The following SEMA5B variants were observed in gnomAD, a reference collection of about 807,000 sequenced individuals.
SEMA5B encodes the protein semaphorin 5B.
In SEMA5B, 66 loss-of-function variants were observed where a neutral mutation model predicts 135.0. The ratio of observed to expected loss-of-function variants is 0.49; its 90% confidence interval spans 0.40 to 0.60. SEMA5B has a LOEUF of 0.60. Among genes scored for constraint, SEMA5B ranks in the 20% least tolerant of loss-of-function variants. SEMA5B has a pLI of 0.00. For missense variants in SEMA5B, 1,501 were observed against 1,566.3 expected, an observed-to-expected ratio of 0.96 and a Z score of 0.70; for synonymous variants, 690 against 639.5, an observed-to-expected ratio of 1.08 and a Z score of -1.19.
chr3:122,923,558 C>T, intron 10 of SEMA5B, 59 bp downstream of exon 10: 1 of 1,597,338 alleles, frequency 6.3e-7, no homozygotes, highest in Non-Finnish European at 8.6e-7. Context: ...CAGCTTGTGG[C>T]TGGTAATCTG....
At chr3:122,913,497 C>T (rs1379249097) in intron 16 of SEMA5B, 37 bp downstream of exon 16, 6 of 1,596,700 alleles carry the variant, frequency 3.8e-6, no homozygotes, top group Non-Finnish European at 4.3e-6. Context: ...CTCCAGTACC[C>T]TACACCGCGC....
chr3:122,970,523 A>G (rs1304233285), intron 1 of SEMA5B, among the ~76,000 whole-genome samples: 1 of 152,194 alleles, frequency 6.6e-6, no homozygotes, highest in Non-Finnish European at 1.5e-5. Context: ...CAGCTAGAGA[A>G]TAAGAGAGCT....
intron 1 of SEMA5B, among the ~76,000 whole-genome samples, chr3:123,019,838 T>C (rs975966447): frequency 2.0e-5 from 3 of 151,872 alleles, no homozygotes; most frequent in East Asian, 1.9e-4. Flanking sequence ...AGCCTAGGAG[T>C]TCCTATGAAG....
intron 1 of SEMA5B, among the ~76,000 whole-genome samples, chr3:122,968,062 G>A (rs1443228539): frequency 6.6e-6 from 1 of 152,212 alleles, no homozygotes; most frequent in Non-Finnish European, 1.5e-5. Context: ...CAGAAAATGT[G>A]CAGATCCGCT....
At chr3:122,982,483 ATTGTTTGCTAC>A (rs1941549344) in intron 1 of SEMA5B, among the ~76,000 whole-genome samples, 1 of 152,180 alleles carries the variant, frequency 6.6e-6, no homozygotes, top group Non-Finnish European at 1.5e-5. Flanking sequence ...ATGGTTTGGG[ATTGTTTGCTAC>A]TTTGCATGAT....
At chr3:122,953,166 C>G (rs529081667) in intron 2 of SEMA5B, among the ~76,000 whole-genome samples, 2 of 152,144 alleles carry the variant, frequency 1.3e-5, no homozygotes, top group African/African-American at 4.8e-5. Flanking sequence ...TCTTGTCAGC[C>G]CCTAAGAACA....
At chr3:122,926,973 C>G (rs1003441541) in intron 8 of SEMA5B, among the ~76,000 whole-genome samples, 1 of 152,142 alleles carries the variant, frequency 6.6e-6, no homozygotes, top group African/African-American at 2.4e-5. Context: ...TATGATTATC[C>G]CCATATTACA....
chr3:122,952,181 A>G (rs1940083573), intron 2 of SEMA5B, among the ~76,000 whole-genome samples: 2 of 152,116 alleles, frequency 1.3e-5, no homozygotes, highest in South Asian at 4.2e-4. Flanking sequence ...GGGAGATTTG[A>G]TCCAAACCTA....
At chr3:122,930,460 T>G (rs1938907569) in intron 5 of SEMA5B, among the ~76,000 whole-genome samples, 1 of 152,160 alleles carries the variant, frequency 6.6e-6, no homozygotes, top group African/African-American at 2.4e-5. Flanking sequence ...AGGCTGAGCC[T>G]GATATGAGAG....
chr3:122,962,516 C>A (rs981555516), intron 1 of SEMA5B, among the ~76,000 whole-genome samples: 9 of 152,160 alleles, frequency 5.9e-5, no homozygotes, highest in East Asian at 1.9e-4. Flanking sequence ...GGGGAGATTG[C>A]GGGAAGAACT....
At position 122,910,130 on chromosome 3, in the gene SEMA5B, C is replaced by T. The variant is rs1452205446; in HGVS notation, c.*13G>A. On this transcript the variant is annotated 3_prime_UTR_variant, in exon 23 of 23. Coordinates refer to ENST00000357599, the MANE Select transcript of SEMA5B (RefSeq NM_001031702.4). ...TATGAAGGCAAGAAGCCCAAGTCCCCAGGACGGCGGTATCAGCTGTTGGGG... is the reference window on the plus strand; with the variant it reads ...TATGAAGGCAAGAAGCCCAAGTCCCTAGGACGGCGGTATCAGCTGTTGGGG... 4.3e-6 allele frequency: 7 copies of T among 1,612,616 alleles called. No individual in the cohort carries two copies. Among genetic ancestry groups the T allele is most frequent in the Middle Eastern group, 1.7e-4 (1 of 6,004 alleles).
chr3:122,913,484 C>T (rs1937879166), intron 16 of SEMA5B, 50 bp downstream of exon 16: 1 of 1,575,202 alleles, frequency 6.3e-7, no homozygotes, highest in Non-Finnish European at 8.6e-7. Context: ...GCCCTCCCCT[C>T]GGCTCCAGTA....
chr3:122,992,055 G>T (rs1243479304), intron 1 of SEMA5B, among the ~76,000 whole-genome samples: 1 of 152,098 alleles, frequency 6.6e-6, no homozygotes, highest in Non-Finnish European at 1.5e-5. Flanking sequence ...ACCACCAAGG[G>T]GAATGGTTTT....
chr3:122,983,599 T>C (rs570978978), intron 1 of SEMA5B, among the ~76,000 whole-genome samples: 24 of 151,682 alleles, frequency 1.6e-4, no homozygotes, highest in South Asian at 2.1e-4. Context: ...GCGCCTGTAG[T>C]CCCAGCTACT....
chr3:122,909,504 A>G lies in SEMA5B; in HGVS notation c.*639T>C, dbSNP rs1374298666. ...ACCAGCCCAGATTAAAGGACTTCTA[A>G]GCACAGGTCAGCCTCCAGTTCCCAG... On this transcript the variant is annotated 3_prime_UTR_variant, in exon 23 of 23. Transcript: ENST00000357599. The G allele has an allele frequency of 1.3e-5, 2 of 152,894 alleles. No homozygotes were observed. The highest frequency in any genetic ancestry group is 4.8e-5 in the African/African-American group (2 of 41,474). The allele number at this position is 152,894 out of a possible 1,614,324, so 9.5% of individuals were successfully genotyped here.
Position 123,011,426 on chromosome 3 carries a change from G to A in SEMA5B, c.-39+16038C>T, listed in dbSNP as rs112912662. 5.9e-3 allele frequency among the ~76,000 whole-genome samples: 902 copies of A among 152,260 alleles called. 11 individuals carry two copies. Among genetic ancestry groups the A allele is most frequent in the African/African-American group, 0.018 (732 of 41,550 alleles). On this transcript the variant is annotated intron_variant, in intron 1 of 22. Coordinates refer to ENST00000357599, the MANE Select transcript of SEMA5B (RefSeq NM_001031702.4). ...GGAGACTGTGGGGCAGCCGGGGCTCGTCCCAGGCCTTGATTTACCCACATT... is the reference window on the plus strand; with the variant it reads ...GGAGACTGTGGGGCAGCCGGGGCTCATCCCAGGCCTTGATTTACCCACATT...
At chr3:122,916,520 T>C (rs1172710868) in intron 12 of SEMA5B, among the ~76,000 whole-genome samples, 1 of 152,200 alleles carries the variant, frequency 6.6e-6, no homozygotes, top group African/African-American at 2.4e-5. Context: ...GGATCCACTA[T>C]ACAACCTTTT....
intron 12 of SEMA5B, among the ~76,000 whole-genome samples, chr3:122,919,555 G>C (rs1454085700): frequency 6.6e-6 from 1 of 152,144 alleles, no homozygotes; most frequent in Non-Finnish European, 1.5e-5. Flanking sequence ...AGTTTTGGAA[G>C]GCATGAGGGA....
intron 1 of SEMA5B, among the ~76,000 whole-genome samples, chr3:123,026,603 T>A (rs566475182): frequency 1.7e-4 from 26 of 152,150 alleles, no homozygotes; most frequent in African/African-American, 6.0e-4. Context: ...ACTTCCCTCT[T>A]GGCTCCCGCC....
Sources: gnomAD v4.1 joint callset for allele counts (sites outside exome capture counted in the v4.1 genomes callset) on GRCh38, gnomAD v4.1.1 for gene constraint, MANE v1.5 for transcripts, NCBI Gene and HGNC (gene_info 2026-07-23, HGNC 2026-07-21) for gene names.